The following EPB41L1 variants were observed in gnomAD, a reference collection of about 807,000 sequenced individuals.
EPB41L1 encodes the protein erythrocyte membrane protein band 4.1 like 1.
Under a neutral mutation model 97.8 loss-of-function variants are expected in EPB41L1, and 29 were observed. That is an observed-to-expected ratio of 0.30 (90% CI 0.22 to 0.40). EPB41L1 has a LOEUF of 0.40. Among genes scored for constraint, EPB41L1 ranks in the 10% least tolerant of loss-of-function variants. The pLI, the probability that EPB41L1 is intolerant of heterozygous loss-of-function variation, is 1.00. For missense variants in EPB41L1, 812 were observed against 1,162.3 expected (o/e 0.70, Z 4.38); for synonymous variants, 383 against 459.2 (o/e 0.83, Z 2.12).
In EPB41L1 at chr20:36,209,433, TTC is replaced by T. The variant is rs1390319272; in HGVS notation, c.1669-44_1669-43del. On this transcript the variant is annotated intron_variant, in intron 14 of 21. Coordinates refer to ENST00000338074, the MANE Select transcript of EPB41L1 (RefSeq NM_012156.2). The surrounding 1 kb of genome is among the most constrained non-coding windows in gnomAD (Gnocchi z 4.2). ...TGACATTCACCATCTTGATTTCTCT[TTC>T]TCTCTCTCTCCCCACCCCACATCCC... 9.6e-5 allele frequency: 151 copies of T among 1,568,678 alleles called. No individual in the cohort carries two copies. The highest frequency in any genetic ancestry group is 2.9e-4 in the South Asian group (25 of 86,124).
At chr20:36,204,551 C>A (rs1167306209) in intron 14 of EPB41L1, among the ~76,000 whole-genome samples, 2 of 134,430 alleles carry the variant, frequency 1.5e-5, no homozygotes, top group Non-Finnish European at 3.0e-5. Flanking sequence ...TTGGTGCGAT[C>A]TCGGCTCACC....
intron 1 of EPB41L1, chr20:36,112,383 T>A (rs1453250231): frequency 6.6e-6 from 1 of 152,290 alleles, no homozygotes; most frequent in African/African-American, 2.4e-5. Flanking sequence ...GCTGGGCTCA[T>A]GAACTCCTGT....
In EPB41L1 at chr20:36,188,903, A is replaced by T. The variant is rs532158640; in HGVS notation, c.1026+404A>T. Among the ~76,000 whole-genome samples, 7 of 152,188 alleles carry T rather than the reference A, an allele frequency of 4.6e-5. No homozygotes were observed. The East Asian group carries it at 1.3e-3, about 29-fold the overall frequency. ...CAAAAAAAAAAAAAAGGGAGAAAAA[A>T]AAAAGAAGAAATATAACTACATACA... On this transcript the variant is annotated intron_variant, in intron 9 of 21. Transcript: ENST00000338074.
chr20:36,182,483 C>T (rs1176551063), intron 6 of EPB41L1, 136 bp downstream of exon 6: 4 of 907,640 alleles, frequency 4.4e-6, no homozygotes, highest in South Asian at 4.1e-5. Flanking sequence ...CAGACAGCAT[C>T]GTACACAGGA....
chr20:36,175,422 C>T, intron 2 of EPB41L1, 129 bp from the exon 3 acceptor site: 3 of 1,116,554 alleles, frequency 2.7e-6, no homozygotes, highest in Non-Finnish European at 4.0e-6. Context: ...CCCTGTGGGT[C>T]TCAGACGGTA....
At chr20:36,121,074 G>A (rs73902975) in intron 2 of EPB41L1, among the ~76,000 whole-genome samples, 9 of 141,824 alleles carry the variant, frequency 6.3e-5, no homozygotes, top group East Asian at 4.1e-4. Flanking sequence ...TGTCTGACAT[G>A]AAAAAAAAAA....
chr20:36,163,620 AG>A (rs1716114062), intron 1 of EPB41L1, among the ~76,000 whole-genome samples: 1 of 152,182 alleles, frequency 6.6e-6, no homozygotes, highest in African/African-American at 2.4e-5. Flanking sequence ...GAGCAGGGTG[AG>A]GGGAACCCAC....
At chr20:36,201,232 A>G (rs1164105630) in intron 14 of EPB41L1, among the ~76,000 whole-genome samples, 1 of 152,240 alleles carries the variant, frequency 6.6e-6, no homozygotes, top group Non-Finnish European at 1.5e-5. Context: ...CTGGGAAGAC[A>G]GAACAGCCTG....
chr20:36,196,656 C>G (rs2062219708), intron 13 of EPB41L1, among the ~76,000 whole-genome samples: 2 of 152,208 alleles, frequency 1.3e-5, no homozygotes, highest in South Asian at 4.1e-4. Context: ...GGGGAAGATT[C>G]TAGCTTTGTC....
Position 36,185,250 on chromosome 20 carries a change from G to A in EPB41L1, c.700G>A (p.Gly234Ser). ...TGACTATGATGCTGAGGAGCATGTGGGCAACTATGTCAGCGAGCTCCGCTT... is the reference window on the plus strand; with the variant it reads ...TGACTATGATGCTGAGGAGCATGTGAGCAACTATGTCAGCGAGCTCCGCTT... ...LGDYDAEEHVGNYVSELRFAP... is the reference protein window; with the variant it reads ...LGDYDAEEHVSNYVSELRFAP... The change falls in exon 7 of 22, where the codon GGC (glycine) becomes AGC (serine). Residue 234 changes from glycine to serine, a missense_variant. Physicochemically the swap from Gly to Ser is moderately conservative, Grantham distance 56 (BLOSUM62 0). Transcript: ENST00000338074. The A allele has an allele frequency of 6.2e-7, 1 of 1,613,994 alleles. No individual in the cohort carries two copies. Among genetic ancestry groups the A allele is most frequent in the Non-Finnish European group, 8.5e-7 (1 of 1,180,044 alleles).
chr20:36,144,054 T>G (rs897918449), intron 2 of EPB41L1, among the ~76,000 whole-genome samples: 1 of 152,274 alleles, frequency 6.6e-6, no homozygotes, highest in South Asian at 2.1e-4. Flanking sequence ...GGTTTCACCA[T>G]GTTGGCCAGG....
At chr20:36,155,329 G>A (rs532718854) in intron 1 of EPB41L1, 1 of 371,126 alleles carries the variant, frequency 2.7e-6, no homozygotes, top group South Asian at 2.0e-5. Context: ...CTCTGGTTAC[G>A]GACCCTTCCC....
intron 16 of EPB41L1, 111 bp from the exon 17 acceptor site, chr20:36,214,246 T>C: frequency 1.3e-6 from 1 of 772,036 alleles, no homozygotes; most frequent in Non-Finnish European, 2.3e-6. Flanking sequence ...CTGCCAGTGA[T>C]GTTCACTCAC....
At chr20:36,218,834 C>G in intron 17 of EPB41L1, 42 bp from the exon 18 acceptor site, 1 of 1,601,490 alleles carries the variant, frequency 6.2e-7, no homozygotes. Flanking sequence ...TGGGGGCCCA[C>G]CCGGCTGAGA....
At chr20:36,148,691 A>G (rs1435718477) in intron 2 of EPB41L1, 2 of 152,292 alleles carry the variant, frequency 1.3e-5, no homozygotes, top group Non-Finnish European at 2.9e-5. Flanking sequence ...GATGGCAATC[A>G]GTTGTCCAAG....
intron 2 of EPB41L1, among the ~76,000 whole-genome samples, chr20:36,125,211 A>C (rs988350571): frequency 3.3e-5 from 5 of 152,254 alleles, no homozygotes; most frequent in African/African-American, 9.6e-5. Context: ...GAGACAGGCT[A>C]TTCCTACAGG....
chr20:36,176,630 C>CT (rs549487167), intron 3 of EPB41L1, among the ~76,000 whole-genome samples: 2,573 of 136,746 alleles, frequency 0.019, 93 homozygotes, highest in Admixed American at 0.068. Context: ...TCTTTTTTTT[C>CT]TTTTTTTTTT....
chr20:36,173,834 G>A lies in EPB41L1; in HGVS notation c.57G>A (p.Pro19=), dbSNP rs768793627. The A allele has an allele frequency of 2.9e-5, 46 of 1,613,752 alleles. No homozygotes were observed. The Middle Eastern group carries it at 4.9e-4, about 17-fold the overall frequency. The change falls in exon 2 of 22, where the codon CCG becomes CCA. Residue 19 remains proline, a synonymous_variant. Transcript: ENST00000338074. The part of the protein sequence containing the change: ...SEVKKAQEEA[P]QQPEAAAAVT... ...TGAAGAAAGCTCAGGAGGAGGCCCCGCAGCAGCCCGAGGCTGCTGCCGCTG... is the reference window on the plus strand; with the variant it reads ...TGAAGAAAGCTCAGGAGGAGGCCCCACAGCAGCCCGAGGCTGCTGCCGCTG...
chr20:36,202,520 A>T (rs2062552358), intron 14 of EPB41L1, among the ~76,000 whole-genome samples: 1 of 151,850 alleles, frequency 6.6e-6, no homozygotes, highest in Non-Finnish European at 1.5e-5. Flanking sequence ...CTGGCTGGGC[A>T]TGGTGGCTCA....
Sources: allele counts gnomAD v4.1 joint callset (sites outside exome capture counted in the v4.1 genomes callset), GRCh38; gene constraint gnomAD v4.1.1; non-coding constraint Gnocchi (gnomAD v3.1); transcripts MANE v1.5; gene names NCBI Gene and HGNC (gene_info 2026-07-23, HGNC 2026-07-21).